Variants in ENO2 observed in about 807,000 individuals in gnomAD.
ENO2 encodes the protein gamma-enolase.
A neutral mutation model predicts 48.7 loss-of-function variants in ENO2; 19 were observed. That is an observed-to-expected ratio of 0.39 (90% CI 0.27 to 0.57). The LOEUF (loss-of-function observed/expected upper bound fraction) is 0.57. Among genes scored for constraint, ENO2 ranks in the 20% least tolerant of loss-of-function variants. ENO2 has a pLI of 0.58. For synonymous variants in ENO2, 198 were observed against 213.4 expected (o/e 0.93, Z 0.63); for missense variants, 416 against 555.0 (o/e 0.75, Z 2.52).
In ENO2 at chr12:6,920,364, A is replaced by G. The variant is rs766317750; in HGVS notation, c.865+601A>G. The stretch of plus-strand genomic sequence containing the variant: ...GGTTGTGAACCCTTGTTACTGGAAG[A>G]TTTTTTTTGGGGGGGGGGTGGGGTT... On this transcript the variant is annotated intron_variant, in intron 8 of 11. Coordinates refer to ENST00000229277, the MANE Select transcript of ENO2 (RefSeq NM_001975.3). Among the ~76,000 whole-genome samples the G allele has an allele frequency of 8.1e-3, 553 of 67,956 alleles. 3 individuals carry two copies. Among genetic ancestry groups the G allele is most frequent in the Non-Finnish European group, 1.0e-2 (407 of 40,742 alleles). 44.6% of individuals were successfully genotyped at this position (67,956 alleles called of 152,430 possible). A position where few individuals can be genotyped will look rare whatever the true frequency, so the allele number is the denominator to read the frequency against.
rs1301381680 is a variant in ENO2 at position 6,922,489 on chromosome 12, G to A, written c.1235+87G>A. 1 of 1,534,684 alleles carries A rather than the reference G, an allele frequency of 6.5e-7. No homozygotes were observed. Among genetic ancestry groups the A allele is most frequent in the Non-Finnish European group, 9.0e-7 (1 of 1,109,556 alleles). Reference sequence around the variant, plus strand: ...GACCATCTGTAGCACCAAGGGCCTGGATAACAGTCCATTTCCTGGATAACA... The same window carrying A: ...GACCATCTGTAGCACCAAGGGCCTGAATAACAGTCCATTTCCTGGATAACA... On this transcript the variant is annotated intron_variant, in intron 11 of 11. Transcript: ENST00000229277. This position sits in a 1 kb window ranked among gnomAD's most constrained non-coding sequence, Gnocchi z 5.3.
chr12:6,917,364 A>C, intron 5 of ENO2: 1 of 716,780 alleles, frequency 1.4e-6, no homozygotes, highest in Admixed American at 3.0e-5. Flanking sequence ...GATATTTAGA[A>C]AGAGGTGTGG....
Position 6,922,283 on chromosome 12 carries a change from A to G in ENO2, c.1177-61A>G. On this transcript the variant is annotated intron_variant, in intron 10 of 11. Transcript: ENST00000229277. This position sits in a 1 kb window ranked among gnomAD's most constrained non-coding sequence, Gnocchi z 5.3. ...TGTCAGGGGAGTTTCAGGAGAGCAG[A>G]AGTTTCCTTTCAGGGGTGAGAGGGC... 2 of 1,613,316 alleles carry G rather than the reference A, an allele frequency of 1.2e-6. No homozygotes were observed. The highest frequency in any genetic ancestry group is 1.7e-6 in the Non-Finnish European group (2 of 1,179,348).
intron 1 of ENO2, chr12:6,915,436 G>A (rs1328015736): frequency 1.4e-5 from 3 of 213,650 alleles, no homozygotes; most frequent in South Asian, 8.0e-5. Flanking sequence ...TGGCTCCCAG[G>A]AGAAATGCAA....
chr12:6,917,216 G>A (rs782274474), intron 5 of ENO2, 109 bp downstream of exon 5: 5 of 1,354,090 alleles, frequency 3.7e-6, no homozygotes, highest in Non-Finnish European at 5.1e-6. Flanking sequence ...ATGACTGTCA[G>A]GGGCATTCTC....
chr12:6,915,986 G>A (rs1045611347), intron 2 of ENO2, 69 bp downstream of exon 2: 40 of 1,555,694 alleles, frequency 2.6e-5, no homozygotes, highest in Non-Finnish European at 3.5e-5. Context: ...TCGGCCAGGG[G>A]TTCGGAGGCC....
rs1555141637 is a variant in ENO2 at position 6,916,635 on chromosome 12, C to T, written c.182-36C>T. 6.2e-7 allele frequency: 1 copy of T among 1,613,664 alleles called. No individual in the cohort carries two copies. The highest frequency in any genetic ancestry group is 1.7e-5 in the Admixed American group (1 of 60,024). On this transcript the variant is annotated intron_variant, in intron 3 of 11. Coordinates refer to ENST00000229277, the MANE Select transcript of ENO2 (RefSeq NM_001975.3). The surrounding 1 kb of genome is among the most constrained non-coding windows in gnomAD (Gnocchi z 4.5). ...TCCCATTGATCCCTTCCGGCCCCTC[C>T]TGGCCCGACCCAGTCCAGCCTCTTC...
At position 6,915,876 on chromosome 12, in the gene ENO2, G is replaced by A. The variant is rs1555141547; in HGVS notation, c.44G>A (p.Arg15His). ...KIWAREILDSRGNPTVEVDLY... is the reference protein window; with the variant it reads ...KIWAREILDSHGNPTVEVDLY... ...TGGGCCCGGGAGATCCTGGACTCCC[G>A]CGGGAACCCCACAGTGGAGGTGGAT... is the stretch of plus-strand genomic sequence containing the variant. Residue 15 changes from arginine (R) to histidine (H), a missense_variant, in exon 2 of 12, where the codon CGC (arginine) becomes CAC (histidine). Transcript: ENST00000229277. 1.2e-6 allele frequency: 2 copies of A among 1,614,006 alleles called. No homozygotes were observed. The highest frequency in any genetic ancestry group is 2.7e-5 in the African/African-American group (2 of 75,000).
At position 6,922,251 on chromosome 12, in the gene ENO2, T is replaced by C; in HGVS notation, c.1176+87T>C. ...CCACCTGGTCTCTCCTTCCAGGTGTTTGAGGGTGTCAGGGGAGTTTCAGGA... is the reference window on the plus strand; with the variant it reads ...CCACCTGGTCTCTCCTTCCAGGTGTCTGAGGGTGTCAGGGGAGTTTCAGGA... On this transcript the variant is annotated intron_variant, in intron 10 of 11. Transcript: ENST00000229277. The surrounding 1 kb of genome is among the most constrained non-coding windows in gnomAD (Gnocchi z 5.3). The C allele has an allele frequency of 1.2e-6, 2 of 1,607,456 alleles. No individual in the cohort carries two copies. The highest frequency in any genetic ancestry group is 1.1e-5 in the South Asian group (1 of 90,868).
rs1945349089 is a variant in ENO2, at chr12:6,922,439, G to A, written c.1235+37G>A. The A allele has an allele frequency of 6.2e-7, 1 of 1,613,498 alleles. No homozygotes were observed. The stretch of plus-strand genomic sequence containing the variant: ...TGGGGTGGGAGCCCCTGGCCCAGAT[G>A]GCTAAAGGCCCCATTTGCCTGCCAG... On this transcript the variant is annotated intron_variant, in intron 11 of 11. Transcript: ENST00000229277. The surrounding 1 kb of genome is among the most constrained non-coding windows in gnomAD (Gnocchi z 5.3).
rs1376015715 is a variant in ENO2, at chr12:6,917,039, GTC to G, written c.248_249del (p.Ser83CysfsTer18). ...GGGTGATGGAGGCTCTGCCCTCAGG[GTC>G]TCTCTGTGGTGGAGCAAGAGAAACT... is the stretch of plus-strand genomic sequence containing the variant. On this transcript the variant is annotated frameshift_variant and splice_region_variant, in exon 5 of 12. Coordinates refer to ENST00000229277, the MANE Select transcript of ENO2 (RefSeq NM_001975.3). LOFTEE classifies it high-confidence loss of function. 1 of 1,614,166 alleles carries G rather than the reference GTC, an allele frequency of 6.2e-7. No homozygotes were observed. Among genetic ancestry groups the G allele is most frequent in the Non-Finnish European group, 8.5e-7 (1 of 1,180,042 alleles).
rs782469877 is a variant in ENO2 at position 6,922,048 on chromosome 12, G to A, written c.1068-8G>A. On this transcript the variant is annotated splice_region_variant and splice_polypyrimidine_tract_variant and intron_variant, in intron 9 of 11. Transcript: ENST00000229277. The surrounding 1 kb of genome is among the most constrained non-coding windows in gnomAD (Gnocchi z 5.3). ...GAGCTGGAGAATCAGTGCTGTGTGTGGATACAGGTGCAAGCTGGCCCAGGA... is the reference window on the plus strand; with the variant it reads ...GAGCTGGAGAATCAGTGCTGTGTGTAGATACAGGTGCAAGCTGGCCCAGGA... 1 of 1,614,040 alleles carries A rather than the reference G, an allele frequency of 6.2e-7. No individual in the cohort carries two copies. Among genetic ancestry groups the A allele is most frequent in the Non-Finnish European group, 8.5e-7 (1 of 1,179,956 alleles).
intron 2 of ENO2, 45 bp downstream of exon 2, chr12:6,915,962 C>A (rs782443888): frequency 1.2e-6 from 2 of 1,607,430 alleles, no homozygotes; most frequent in African/African-American, 2.7e-5. Flanking sequence ...AGCTTTTCCA[C>A]GGCCAGGCTG....
At chr12:6,921,381 A>T in intron 8 of ENO2, 200 bp from the exon 9 acceptor site, 1 of 559,028 alleles carries the variant, frequency 1.8e-6, no homozygotes. Flanking sequence ...TGACAGAATG[A>T]GGCTCTGTCA....
rs3213435 is a variant in ENO2, at chr12:6,922,496, G to T, written c.1235+94G>T. Reference sequence around the variant, plus strand: ...TGTAGCACCAAGGGCCTGGATAACAGTCCATTTCCTGGATAACAGTCCAAC... The same window carrying T: ...TGTAGCACCAAGGGCCTGGATAACATTCCATTTCCTGGATAACAGTCCAAC... On this transcript the variant is annotated intron_variant, in intron 11 of 11. Transcript: ENST00000229277. The surrounding 1 kb of genome is among the most constrained non-coding windows in gnomAD (Gnocchi z 5.3). 26,950 of 1,515,176 alleles carry T rather than the reference G, an allele frequency of 0.018. 2,179 individuals are homozygous for T. In the East Asian group the frequency reaches 0.23, roughly 13 times the overall value. The allele number at this position is 1,515,176 out of a possible 1,614,324, so 93.9% of individuals were successfully genotyped here. A position where few individuals can be genotyped will look rare whatever the true frequency, so the allele number is the denominator to read the frequency against.
chr12:6,916,775 A>C lies in ENO2; in HGVS notation c.240+46A>C, dbSNP rs1945295601. The C allele has an allele frequency of 1.9e-6, 3 of 1,610,288 alleles. No individual in the cohort carries two copies. The African/African-American group carries it at 4.0e-5, about 22-fold the overall frequency. ...GGGATAGCAGGGCCAGAGTTCTGGA[A>C]GGAATCCCGGAGCAGGGCAGGAGGA... On this transcript the variant is annotated intron_variant, in intron 4 of 11. Transcript: ENST00000229277. The surrounding 1 kb of genome is among the most constrained non-coding windows in gnomAD (Gnocchi z 4.5).
rs781834079 is a variant in ENO2, at chr12:6,916,444, G to A, written c.113G>A (p.Gly38Glu). ...KGLFRAAVPS[G>E]ASTGIYEALE... The stretch of plus-strand genomic sequence containing the variant: ...CTTTTCCGGGCTGCAGTGCCCAGTG[G>A]AGCCTCTACGGGCATCTATGAGGCC... Residue 38 changes from glycine (G) to glutamate (E), a missense_variant, in exon 3 of 12, where the codon GGA becomes GAA. Physicochemically the swap from Gly to Glu is moderately conservative, Grantham distance 98. Transcript: ENST00000229277. This position sits in a 1 kb window ranked among gnomAD's most constrained non-coding sequence, Gnocchi z 4.5. 6.2e-7 allele frequency: 1 copy of A among 1,613,980 alleles called. No homozygotes were observed.
chr12:6,915,383 A>T (rs1244068936), intron 1 of ENO2: 2 of 195,914 alleles, frequency 1.0e-5, no homozygotes, highest in Non-Finnish European at 2.2e-5. Context: ...TTGGGGAGGT[A>T]TGGGGGCTCT....
chr12:6,920,717 CTTTTT>C (rs781865832), intron 8 of ENO2, among the ~76,000 whole-genome samples: 2 of 95,146 alleles, frequency 2.1e-5, no homozygotes, highest in African/African-American at 8.6e-5. Context: ...TTTTAATTAA[CTTTTT>C]TTTTTTTTTT....
Sources: allele counts gnomAD v4.1 joint callset (sites outside exome capture counted in the v4.1 genomes callset), GRCh38; gene constraint gnomAD v4.1.1; non-coding constraint Gnocchi (gnomAD v3.1); transcripts MANE v1.5; gene names NCBI Gene and HGNC (gene_info 2026-07-23, HGNC 2026-07-21).